MIX23: variants seen among roughly 807,000 people sequenced by gnomAD.
The protein encoded by MIX23 is protein MIX23.
MIX23 carries 13 observed loss-of-function variants against 21.6 expected under a neutral mutation model. The ratio of observed to expected loss-of-function variants is 0.60; its 90% CI spans 0.39 to 0.96. MIX23 has a LOEUF of 0.96. MIX23 is among the 40% of genes least tolerant of loss of function. MIX23 has a pLI of 0.00. For synonymous variants in MIX23, 59 were observed against 58.0 expected, an observed-to-expected ratio of 1.02 and a Z score of -0.08; for missense variants, 144 against 171.2, an observed-to-expected ratio of 0.84 and a Z score of 0.89.
chr3:122,374,811 A>G (rs2075471211), intron 1 of MIX23, among the ~76,000 whole-genome samples: 1 of 152,252 alleles, frequency 6.6e-6, no homozygotes, highest in African/African-American at 2.4e-5. Flanking sequence ...AGATAATCTC[A>G]GATACTAAAA....
rs536225925 is a variant in MIX23, at chr3:122,359,702, A to G, written c.*167T>C. The G allele has an allele frequency of 3.4e-5, 15 of 445,900 alleles. No individual in the cohort carries two copies. In the South Asian group the frequency reaches 4.6e-4, roughly 14 times the overall value. 27.6% of individuals were successfully genotyped at this position (445,900 alleles called of 1,614,324 possible). On this transcript the variant is annotated 3_prime_UTR_variant, in exon 5 of 5. Coordinates refer to ENST00000291458, the MANE Select transcript of MIX23 (RefSeq NM_001017928.4). Reference sequence around the variant, plus strand: ...CTCCATAATTATCAGAATTATTTATACTTGAGGTCTTGGCTAAGTGGGGCT... The same window carrying G: ...CTCCATAATTATCAGAATTATTTATGCTTGAGGTCTTGGCTAAGTGGGGCT...
intron 3 of MIX23, among the ~76,000 whole-genome samples, chr3:122,364,335 T>A (rs905693852): frequency 6.6e-6 from 1 of 152,166 alleles, no homozygotes; most frequent in Non-Finnish European, 1.5e-5. Context: ...AGCCCACCAA[T>A]GCAACCTAAG....
At chr3:122,366,055 G>A (rs937003059) in intron 3 of MIX23, among the ~76,000 whole-genome samples, 1 of 151,928 alleles carries the variant, frequency 6.6e-6, no homozygotes, top group Non-Finnish European at 1.5e-5. Flanking sequence ...GCAGGCACCT[G>A]TAACCCCAGC....
intron 1 of MIX23, among the ~76,000 whole-genome samples, chr3:122,378,336 T>C (rs2075504527): frequency 6.6e-6 from 1 of 152,226 alleles, no homozygotes; most frequent in Non-Finnish European, 1.5e-5. Context: ...ATTCCTTACA[T>C]AGCAATGGGA....
At chr3:122,373,245 A>G (rs964003401) in intron 1 of MIX23, among the ~76,000 whole-genome samples, 1 of 151,902 alleles carries the variant, frequency 6.6e-6, no homozygotes, top group African/African-American at 2.4e-5. Context: ...TATTATGAGC[A>G]TAATATAATG....
chr3:122,373,023 C>T (rs1185860863), intron 1 of MIX23: 2 of 414,726 alleles, frequency 4.8e-6, no homozygotes, highest in Non-Finnish European at 9.6e-6. Context: ...CAACTCCTTT[C>T]TTTCCTCGTC....
chr3:122,363,152 ATT>A, intron 3 of MIX23, 125 bp from the exon 4 acceptor site: 1 of 714,318 alleles, frequency 1.4e-6, no homozygotes, highest in Non-Finnish European at 2.3e-6. Context: ...CTGCTCTAGT[ATT>A]TTTGTCTGTT....
chr3:122,362,754 G>A (rs1422563148), intron 4 of MIX23, among the ~76,000 whole-genome samples: 2 of 151,956 alleles, frequency 1.3e-5, no homozygotes, highest in East Asian at 1.9e-4. Flanking sequence ...AAAGCTAATC[G>A]TTATAAAATG....
intron 3 of MIX23, among the ~76,000 whole-genome samples, chr3:122,366,052 C>T (rs1490099723): frequency 6.6e-6 from 1 of 151,954 alleles, no homozygotes; most frequent in East Asian, 1.9e-4. Context: ...GTGGCAGGCA[C>T]CTGTAACCCC....
At chr3:122,362,120 C>T (rs1011907951) in intron 4 of MIX23, among the ~76,000 whole-genome samples, 1 of 152,076 alleles carries the variant, frequency 6.6e-6, no homozygotes, top group African/African-American at 2.4e-5. Flanking sequence ...GATCTGGTCC[C>T]CTAATCTAGT....
intron 2 of MIX23, among the ~76,000 whole-genome samples, chr3:122,370,899 C>G (rs1455889007): frequency 1.3e-5 from 2 of 152,180 alleles, no homozygotes; most frequent in African/African-American, 4.8e-5. Context: ...AGTTAATGCT[C>G]TGAATTTAAC....
intron 1 of MIX23, 171 bp downstream of exon 1, chr3:122,383,003 C>A (rs1002481430): frequency 1.3e-6 from 1 of 776,470 alleles, no homozygotes; most frequent in African/African-American, 1.7e-5. Context: ...TACAGAGCAG[C>A]CTCGCTCCCT....
chr3:122,374,101 T>TA (rs2075464378), intron 1 of MIX23, among the ~76,000 whole-genome samples: 1 of 126,372 alleles, frequency 7.9e-6, no homozygotes, highest in Non-Finnish European at 1.6e-5. Flanking sequence ...ATGACTGGCC[T>TA]ATTTTTTTTT....
chr3:122,377,618 G>A (rs921931705), intron 1 of MIX23, among the ~76,000 whole-genome samples: 1 of 152,154 alleles, frequency 6.6e-6, no homozygotes, highest in Non-Finnish European at 1.5e-5. Flanking sequence ...GCAGATTCAG[G>A]CGGGAGGACT....
At chr3:122,372,224 CAA>C (rs55800173) in intron 1 of MIX23, among the ~76,000 whole-genome samples, 5 of 46,082 alleles carry the variant, frequency 1.1e-4, no homozygotes, top group East Asian at 1.3e-3. Context: ...CTCCAACTCT[CAA>C]AAAAAAAAAA....
At chr3:122,361,387 T>C (rs2075358092) in intron 4 of MIX23, among the ~76,000 whole-genome samples, 1 of 152,174 alleles carries the variant, frequency 6.6e-6, no homozygotes, top group Non-Finnish European at 1.5e-5. Context: ...TTCAGTTTAG[T>C]GGCCTTGACA....
At chr3:122,367,989 C>T (rs1166376741) in intron 3 of MIX23, 187 bp downstream of exon 3, 2 of 584,762 alleles carry the variant, frequency 3.4e-6, no homozygotes, top group Non-Finnish European at 6.0e-6. Flanking sequence ...AAGAAGTGCA[C>T]ATTAATTTAC....
intron 2 of MIX23, among the ~76,000 whole-genome samples, chr3:122,370,132 T>A (rs1462575934): frequency 6.6e-6 from 1 of 152,148 alleles, no homozygotes; most frequent in African/African-American, 2.4e-5. Context: ...TAGGTACCAT[T>A]ATTATACTAT....
chr3:122,368,369 T>C (rs1399499862), intron 2 of MIX23, 47 bp from the exon 3 acceptor site: 9 of 1,512,666 alleles, frequency 5.9e-6, no homozygotes, highest in Admixed American at 2.5e-5. Flanking sequence ...TGCATAAATT[T>C]ATCACATTTT....
Sources: gnomAD v4.1 joint callset for allele counts (sites outside exome capture counted in the v4.1 genomes callset) on GRCh38, gnomAD v4.1.1 for gene constraint, MANE v1.5 for transcripts, NCBI Gene and HGNC (gene_info 2026-07-23, HGNC 2026-07-21) for gene names.